Variants in TBX1 observed in about 807,000 individuals in gnomAD.
The protein encoded by TBX1 is T-box transcription factor TBX1.
In TBX1, 16 loss-of-function variants were observed where a neutral mutation model predicts 40.8. The ratio of observed to expected loss-of-function variants is 0.39; its 90% confidence interval spans 0.27 to 0.60. The LOEUF (loss-of-function observed/expected upper bound fraction) is 0.60, where lower values mean the gene tolerates loss of function less well. Ranked by LOEUF, TBX1 falls within the 20% of genes least tolerant of loss-of-function variation. TBX1 has a pLI of 0.51. For synonymous variants in TBX1, 403 were observed against 336.8 expected, an observed-to-expected ratio of 1.20 and a Z score of -2.15; for missense variants, 755 against 728.5, an observed-to-expected ratio of 1.04 and a Z score of -0.42.
downstream of TBX1, among the ~76,000 whole-genome samples, chr22:19,780,522 T>C (rs5746828): frequency 0.52 from 79,158 of 152,038 alleles, 21,522 homozygotes; most frequent in African/African-American, 0.67. Flanking sequence ...CTTCTGTCAA[T>C]GGACACTTGG....
In TBX1 at chr22:19,766,784, G is replaced by T; in HGVS notation, c.1432G>T (p.Ala478Ser). 6.8e-7 allele frequency: 1 copy of T among 1,479,352 alleles called. No homozygotes were observed. Among genetic ancestry groups the T allele is most frequent in the Non-Finnish European group, 8.9e-7 (1 of 1,129,508 alleles). 91.6% of individuals were successfully genotyped at this position (1,479,352 alleles called of 1,614,324 possible). A position where few individuals can be genotyped will look rare whatever the true frequency, so the allele number is the denominator to read the frequency against. Reference protein sequence around the residue: ...VSPAAAAAAAAAAAAAAANMY... With the variant: ...VSPAAAAAAASAAAAAAANMY... ...TCCAGCCGCCGCGGCCGCCGCCGCCGCTGCCGCAGCTGCCGCGGCCGCCAA... is the reference window on the plus strand; with the variant it reads ...TCCAGCCGCCGCGGCCGCCGCCGCCTCTGCCGCAGCTGCCGCGGCCGCCAA... Residue 478 changes from alanine to serine, a missense_variant, in exon 7 of 7, where the codon GCT becomes TCT. By Grantham distance (99) the Ala-to-Ser change is moderately conservative. This residue lies in a region of TBX1 where 412 missense variants were observed against 317.6 expected (regional missense o/e 1.30). Transcript: ENST00000649276.
chr22:19,757,188 C>T (rs1430574983), upstream of TBX1, among the ~76,000 whole-genome samples: 2 of 152,258 alleles, frequency 1.3e-5, no homozygotes, highest in Non-Finnish European at 1.5e-5. Context: ...TGGGTGGGGC[C>T]CCTCACCTCT....
intron 8 of TBX1, among the ~76,000 whole-genome samples, chr22:19,773,095 G>A (rs536803530): frequency 1.3e-5 from 2 of 152,340 alleles, no homozygotes; most frequent in East Asian, 3.9e-4. Context: ...CAGAGCTTAC[G>A]AGCACGGGCG....
downstream of TBX1, among the ~76,000 whole-genome samples, chr22:19,781,535 C>T (rs1362918484): frequency 1.3e-5 from 2 of 152,032 alleles, no homozygotes; most frequent in Non-Finnish European, 2.9e-5. Context: ...ATGCATACAA[C>T]TTTTAAATTT....
At position 19,764,242 on chromosome 22, in the gene TBX1, T is replaced by C; in HGVS notation, c.627T>C (p.Pro209=). The change falls in exon 3 of 7, where the codon CCT becomes CCC. Residue 209 remains proline, a synonymous_variant. Transcript: ENST00000649276. Reference sequence around the variant, plus strand: ...GCGTGCACTACCACCCGGACTCGCCTGCCAAGGGCGCGCAGTGGATGAAGC... The same window carrying C: ...GCGTGCACTACCACCCGGACTCGCCCGCCAAGGGCGCGCAGTGGATGAAGC... The part of the protein sequence containing the change: ...PGRVHYHPDS[P]AKGAQWMKQI... 2.5e-6 allele frequency: 4 copies of C among 1,613,380 alleles called. No homozygotes were observed. The highest frequency in any genetic ancestry group is 3.4e-6 in the Non-Finnish European group (4 of 1,179,952).
At chr22:19,780,437 G>T (rs1206769598), downstream of TBX1, among the ~76,000 whole-genome samples, 1 of 152,188 alleles carries the variant, frequency 6.6e-6, no homozygotes, top group African/African-American at 2.4e-5. Flanking sequence ...GTTCTAGCCT[G>T]TGTCGGAACT....
At chr22:19,759,744 C>T, upstream of TBX1, 2 of 1,576,994 alleles carry the variant, frequency 1.3e-6, no homozygotes, top group Middle Eastern at 1.7e-4. Flanking sequence ...GCTGTGGGGC[C>T]CGGGTGCAAA....
intron 4 of TBX1, 67 bp from the exon 5 acceptor site, chr22:19,765,691 C>T: frequency 6.4e-7 from 1 of 1,568,896 alleles, no homozygotes; most frequent in African/African-American, 1.3e-5. Flanking sequence ...CTCCCCTATC[C>T]TCCGCCGAGG....
Position 19,766,555 on chromosome 22 carries a change from G to C in TBX1, c.1203G>C (p.Arg401=), listed in dbSNP as rs1433593377. The C allele has an allele frequency of 1.4e-6, 2 of 1,410,882 alleles. No individual in the cohort carries two copies. The highest frequency in any genetic ancestry group is 5.2e-5 in the Admixed American group (2 of 38,160). The allele number at this position is 1,410,882 out of a possible 1,614,324, so 87.4% of individuals were successfully genotyped here. The change falls in exon 7 of 7, where the codon CGG becomes CGC. Residue 401 remains arginine (R), a synonymous_variant. Transcript: ENST00000649276. ...CGCTGCCCGGCGCGCCCGGAGGCCGGCCCAGTCCCCCGAACCCCGAGCTGC... is the reference window on the plus strand; with the variant it reads ...CGCTGCCCGGCGCGCCCGGAGGCCGCCCCAGTCCCCCGAACCCCGAGCTGC... ...LVPLPGAPGG[R]PSPPNPELRL...
At position 19,767,127 on chromosome 22, in the gene TBX1, C is replaced by T; in HGVS notation, c.*260C>T. 2.4e-6 allele frequency: 3 copies of T among 1,244,284 alleles called. No homozygotes were observed. Among genetic ancestry groups the T allele is most frequent in the Non-Finnish European group, 3.0e-6 (3 of 995,206 alleles). 77.1% of individuals were successfully genotyped at this position (1,244,284 alleles called of 1,614,324 possible). ...CCCGAGGGCCAAGGGGGTCCCCGCC[C>T]GCCAGTGCCAAAGCGCCCGGTCGGA... On this transcript the variant is annotated 3_prime_UTR_variant, in exon 7 of 7. Coordinates refer to ENST00000649276, the MANE Select transcript of TBX1 (RefSeq NM_001379200.1).
chr22:19,761,480 T>C (rs1218395713), intron 1 of TBX1, among the ~76,000 whole-genome samples, 200 bp downstream of exon 1: 1 of 151,640 alleles, frequency 6.6e-6, no homozygotes, highest in Non-Finnish European at 1.5e-5. Flanking sequence ...GCTCCCCTCC[T>C]AACACCTATC....
At chr22:19,780,907 C>G (rs535166313), downstream of TBX1, among the ~76,000 whole-genome samples, 4 of 151,688 alleles carry the variant, frequency 2.6e-5, no homozygotes, top group Non-Finnish European at 4.4e-5. Flanking sequence ...CTCAGCCTCC[C>G]GAGTAGCTAG....
At chr22:19,757,820 GAC>G (rs564199051), upstream of TBX1, among the ~76,000 whole-genome samples, 15 of 152,310 alleles carry the variant, frequency 9.8e-5, no homozygotes, top group East Asian at 2.9e-3. Context: ...TCCCCTCAGT[GAC>G]ACTGAGAGAC....
At chr22:19,763,566 A>G in intron 2 of TBX1, 1 of 581,666 alleles carries the variant, frequency 1.7e-6, no homozygotes, top group Non-Finnish European at 3.1e-6. Flanking sequence ...CAGGCTGCAG[A>G]CAGCTCTTGC....
At chr22:19,768,677 C>A (rs974494486), downstream of TBX1, among the ~76,000 whole-genome samples, 6 of 152,184 alleles carry the variant, frequency 3.9e-5, no homozygotes, top group African/African-American at 1.4e-4. Flanking sequence ...CAGAAGGCAG[C>A]CATTCCGTAC....
downstream of TBX1, among the ~76,000 whole-genome samples, chr22:19,771,165 C>T (rs972932344): frequency 4.6e-5 from 7 of 152,328 alleles, 1 homozygote; most frequent in African/African-American, 1.7e-4. Context: ...TCCTTCACCC[C>T]CCGCCCTGAA....
At chr22:19,759,619 C>T, upstream of TBX1, 2 of 1,611,468 alleles carry the variant, frequency 1.2e-6, no homozygotes, top group South Asian at 1.1e-5. Flanking sequence ...TGAAGCTTCG[C>T]TGGCTGCCAG....
rs2145839683 is a variant in TBX1 at position 19,766,818 on chromosome 22, C to T, written c.1466C>T (p.Ser489Leu). The change falls in exon 7 of 7, where the codon TCG (serine) becomes TTG (leucine). Residue 489 changes from serine (S) to leucine (L), a missense_variant. Physicochemically the swap from Ser to Leu is moderately radical, Grantham distance 145. Around this residue, in one of 3 missense-constraint regions of TBX1, gnomAD observed 412 missense variants for 317.6 expected, o/e 1.30. Transcript: ENST00000649276. ...GCTGCCGCGGCCGCCAACATGTACTCGTCGGCCGGAGCCGCGCCGCCCGGC... is the reference window on the plus strand; with the variant it reads ...GCTGCCGCGGCCGCCAACATGTACTTGTCGGCCGGAGCCGCGCCGCCCGGC... ...AAAAAAANMYSSAGAAPPGSY... is the reference protein window; with the variant it reads ...AAAAAAANMYLSAGAAPPGSY... The T allele has an allele frequency of 2.6e-6, 4 of 1,560,156 alleles. No homozygotes were observed. Among genetic ancestry groups the T allele is most frequent in the South Asian group, 2.3e-5 (2 of 86,966 alleles).
chr22:19,757,652 G>A (rs972587644), upstream of TBX1, among the ~76,000 whole-genome samples: 28 of 152,196 alleles, frequency 1.8e-4, no homozygotes, highest in African/African-American at 6.7e-4. Context: ...CCAAATCTGC[G>A]GCCACCAGCA....
Sources: gnomAD v4.1 joint callset for allele counts (sites outside exome capture counted in the v4.1 genomes callset) on GRCh38, gnomAD v4.1.1 for gene constraint, gnomAD v4.1.1 regional missense constraint, MANE v1.5 for transcripts, NCBI Gene and HGNC (gene_info 2026-07-23, HGNC 2026-07-21) for gene names.